FRY: variants seen among roughly 807,000 people sequenced by gnomAD.
FRY encodes protein furry homolog.
A neutral mutation model predicts 348.4 loss-of-function variants in FRY; 128 were observed. That is an observed-to-expected ratio of 0.37 (90% CI 0.32 to 0.43). The LOEUF (loss-of-function observed/expected upper bound fraction) is 0.43, where lower values mean the gene tolerates loss of function less well. Among genes scored for constraint, FRY ranks in the 20% least tolerant of loss-of-function variants. The pLI, the probability that FRY is intolerant of heterozygous loss-of-function variation, is 1.00. For missense variants in FRY, 2,736 were observed against 3,695.2 expected (o/e 0.74, Z 6.73); for synonymous variants, 1,370 against 1,374.7 (o/e 1.00, Z 0.08).
At chr13:32,231,899 C>T (rs1885937103) in intron 41 of FRY, among the ~76,000 whole-genome samples, 1 of 152,224 alleles carries the variant, frequency 6.6e-6, no homozygotes. Context: ...ACCATCTCTA[C>T]CTTTTTTTCC....
intron 1 of FRY, among the ~76,000 whole-genome samples, chr13:32,041,901 C>T (rs962640286): frequency 1.3e-5 from 2 of 152,158 alleles, no homozygotes; most frequent in African/African-American, 4.8e-5. Flanking sequence ...GAAAACCTGG[C>T]CCATTTTCAT....
At chr13:32,246,392 G>A (rs1175418111) in intron 47 of FRY, among the ~76,000 whole-genome samples, 1 of 152,252 alleles carries the variant, frequency 6.6e-6, no homozygotes, top group African/African-American at 2.4e-5. Flanking sequence ...TGGTAAAACT[G>A]AGTCTTAAAT....
intron 15 of FRY, among the ~76,000 whole-genome samples, chr13:32,156,604 A>C (rs1881134576): frequency 1.1e-4 from 2 of 18,372 alleles, no homozygotes; most frequent in African/African-American, 4.8e-4. Context: ...TCCATCTCAA[A>C]AAAAAAAAAA....
intron 41 of FRY, 112 bp downstream of exon 41, chr13:32,231,412 C>A: frequency 9.7e-7 from 1 of 1,028,240 alleles, no homozygotes; most frequent in Non-Finnish European, 1.5e-6. Context: ...ACATCCATAG[C>A]ACGAGCATAT....
At chr13:32,186,567 A>G in intron 27 of FRY, 147 bp downstream of exon 27, 1 of 663,840 alleles carries the variant, frequency 1.5e-6, no homozygotes, top group Non-Finnish European at 2.7e-6. Flanking sequence ...AATCACATGG[A>G]CACACACGTA....
chr13:32,265,017 G>T (rs1046458978), intron 53 of FRY, among the ~76,000 whole-genome samples: 1 of 152,230 alleles, frequency 6.6e-6, no homozygotes, highest in Non-Finnish European at 1.5e-5. Flanking sequence ...AATGGAAGGA[G>T]TTCTGAATCC....
chr13:32,114,809 T>C (rs561534266), intron 3 of FRY, among the ~76,000 whole-genome samples: 1 of 152,330 alleles, frequency 6.6e-6, no homozygotes, highest in South Asian at 2.1e-4. Context: ...GGGATAACTT[T>C]AGAAAGAATT....
intron 11 of FRY, among the ~76,000 whole-genome samples, chr13:32,143,679 G>C (rs1880221892): frequency 6.6e-6 from 1 of 152,208 alleles, no homozygotes; most frequent in African/African-American, 2.4e-5. Flanking sequence ...AATATAAACT[G>C]TTATATATAT....
intron 44 of FRY, among the ~76,000 whole-genome samples, chr13:32,238,621 T>G (rs1009209908): frequency 6.6e-6 from 1 of 152,044 alleles, no homozygotes; most frequent in African/African-American, 2.4e-5. Context: ...CCAGCTAAGT[T>G]TTGTATTTTT....
intron 17 of FRY, among the ~76,000 whole-genome samples, chr13:32,165,103 A>T (rs1253106654): frequency 1.3e-5 from 2 of 152,250 alleles, no homozygotes; most frequent in African/African-American, 4.8e-5. Context: ...AGATAAGGAC[A>T]TTGAATTTCA....
chr13:32,126,480 A>T (rs1281396079), intron 7 of FRY, among the ~76,000 whole-genome samples: 1 of 152,156 alleles, frequency 6.6e-6, no homozygotes, highest in Non-Finnish European at 1.5e-5. Context: ...TTGCTTGCCA[A>T]TGGTGGCTTT....
intron 29 of FRY, among the ~76,000 whole-genome samples, chr13:32,194,866 G>T (rs748963610): frequency 1.3e-5 from 2 of 151,844 alleles, no homozygotes; most frequent in Non-Finnish European, 2.9e-5. Flanking sequence ...ACCAAGAAAG[G>T]GTTAATAAAG....
chr13:32,202,001 C>G lies in FRY; in HGVS notation c.3807C>G (p.Thr1269=). The part of the protein sequence containing the change: ...LNLVLFKASD[T]NREIYEISMQ... The stretch of plus-strand genomic sequence containing the variant: ...TTGTTCTATTCAAGGCCTCTGACAC[C>G]AACAGAGAGATTTATGAAATCTCCA... Residue 1269 remains threonine, a synonymous_variant, in exon 30 of 61, where the codon ACC becomes ACG. Transcript: ENST00000542859. The G allele has an allele frequency of 6.2e-7, 1 of 1,605,380 alleles. No individual in the cohort carries two copies. Among genetic ancestry groups the G allele is most frequent in the Non-Finnish European group, 8.5e-7 (1 of 1,172,170 alleles).
intron 28 of FRY, among the ~76,000 whole-genome samples, chr13:32,189,177 T>G (rs903402389): frequency 1.3e-5 from 2 of 152,140 alleles, no homozygotes; most frequent in African/African-American, 4.8e-5. Flanking sequence ...CAAGCTTCAC[T>G]ATAAATTTGA....
At chr13:32,234,875 G>A (rs1019236267) in intron 42 of FRY, 114 bp downstream of exon 42, 1 of 822,688 alleles carries the variant, frequency 1.2e-6, no homozygotes, top group African/African-American at 1.7e-5. Context: ...ATCTGGACAT[G>A]TACAATATAT....
At chr13:32,126,269 T>G (rs1566085426) in intron 7 of FRY, among the ~76,000 whole-genome samples, 1 of 151,914 alleles carries the variant, frequency 6.6e-6, no homozygotes, top group Non-Finnish European at 1.5e-5. Context: ...AACTTCAGTA[T>G]CCAAAAATGA....
At chr13:32,071,586 T>C (rs1273420348) in intron 1 of FRY, among the ~76,000 whole-genome samples, 1 of 152,200 alleles carries the variant, frequency 6.6e-6, no homozygotes, top group Non-Finnish European at 1.5e-5. Context: ...TTTGCTGAAG[T>C]TGCTTATCAT....
intron 35 of FRY, among the ~76,000 whole-genome samples, chr13:32,215,600 G>A (rs1490595698): frequency 2.6e-5 from 4 of 152,096 alleles, no homozygotes; most frequent in East Asian, 1.9e-4. Context: ...TTCAGACAGG[G>A]TCTCATTCTG....
intron 20 of FRY, among the ~76,000 whole-genome samples, chr13:32,177,085 A>G (rs769496961): frequency 1.2e-4 from 18 of 152,200 alleles, no homozygotes; most frequent in Admixed American, 2.0e-4. Flanking sequence ...CCAACAGTTA[A>G]TTCATCATTT....
Sources: allele counts gnomAD v4.1 joint callset (sites outside exome capture counted in the v4.1 genomes callset), GRCh38; gene constraint gnomAD v4.1.1; transcripts MANE v1.5; gene names NCBI Gene and HGNC (gene_info 2026-07-23, HGNC 2026-07-21).